ARL15: variants seen among roughly 807,000 people sequenced by gnomAD.
The protein encoded by ARL15 is ARF like GTPase 15, also known as ADP-ribosylation factor-like protein 15.
A neutral mutation model predicts 25.2 loss-of-function variants in ARL15; 19 were observed. The ratio of observed to expected loss-of-function variants is 0.75; its 90% CI spans 0.53 to 1.10. The LOEUF (loss-of-function observed/expected upper bound fraction) is 1.10. Among genes scored for constraint, ARL15 ranks in the 50% least tolerant of loss-of-function variants. The pLI is 0.00. For missense variants in ARL15, 220 were observed against 246.0 expected (o/e 0.89, Z 0.71); for synonymous variants, 94 against 86.8 (o/e 1.08, Z -0.46).
chr5:54,200,432 C>T (rs1755688813), intron 1 of ARL15, among the ~76,000 whole-genome samples: 2 of 151,962 alleles, frequency 1.3e-5, no homozygotes, highest in Admixed American at 6.6e-5. Flanking sequence ...TCCAAATTTG[C>T]TTACCTCAAA....
intron 4 of ARL15, among the ~76,000 whole-genome samples, chr5:53,962,443 T>C (rs1003901525): frequency 6.6e-6 from 1 of 152,108 alleles, no homozygotes; most frequent in Non-Finnish European, 1.5e-5. Flanking sequence ...TCCATAATAA[T>C]GATCCTGGGA....
intron 4 of ARL15, among the ~76,000 whole-genome samples, chr5:53,990,685 T>C (rs1748455570): frequency 6.6e-6 from 1 of 152,174 alleles, no homozygotes. Context: ...AAAACCAAAG[T>C]TGTGTTTCTG....
At chr5:54,157,130 A>AC (rs1223912831) in intron 2 of ARL15, among the ~76,000 whole-genome samples, 1 of 152,230 alleles carries the variant, frequency 6.6e-6, no homozygotes, top group African/African-American at 2.4e-5. Context: ...TAAGACAGGC[A>AC]CAGGCCTCAA....
intron 4 of ARL15, among the ~76,000 whole-genome samples, chr5:54,045,359 G>A (rs1197983862): frequency 1.3e-5 from 2 of 152,092 alleles, no homozygotes; most frequent in Non-Finnish European, 2.9e-5. Context: ...GCTAAGAACT[G>A]TATTTTCTTC....
chr5:54,022,534 C>A (rs1026318415), intron 4 of ARL15, among the ~76,000 whole-genome samples: 1 of 152,124 alleles, frequency 6.6e-6, no homozygotes, highest in Non-Finnish European at 1.5e-5. Context: ...TCAAAACCAC[C>A]TATTCTGAAG....
intron 4 of ARL15, among the ~76,000 whole-genome samples, chr5:54,111,671 C>T (rs576278388): frequency 2.0e-5 from 3 of 152,094 alleles, no homozygotes; most frequent in African/African-American, 7.2e-5. Context: ...TATGTTTTAT[C>T]AATGTGTATA....
intron 4 of ARL15, among the ~76,000 whole-genome samples, chr5:54,034,819 C>T (rs925867649): frequency 2.0e-5 from 3 of 150,304 alleles, no homozygotes; most frequent in Admixed American, 1.3e-4. Context: ...TGCCGCCACA[C>T]TCAGCTAAAT....
At chr5:54,237,156 C>T (rs1756831914) in intron 1 of ARL15, among the ~76,000 whole-genome samples, 1 of 152,142 alleles carries the variant, frequency 6.6e-6, no homozygotes, top group East Asian at 1.9e-4. Context: ...CAGCTGTTCT[C>T]GTGATAGTGA....
At chr5:54,301,407 CACTA>C (rs1348917894) in intron 1 of ARL15, among the ~76,000 whole-genome samples, 1 of 152,122 alleles carries the variant, frequency 6.6e-6, no homozygotes, top group Non-Finnish European at 1.5e-5. Context: ...GACTGTTACT[CACTA>C]ACCTCGGGAT....
At chr5:54,074,380 A>T (rs1751522434) in intron 4 of ARL15, among the ~76,000 whole-genome samples, 1 of 152,236 alleles carries the variant, frequency 6.6e-6, no homozygotes, top group Non-Finnish European at 1.5e-5. Flanking sequence ...TCTTAAAGTG[A>T]CAGACTGGGA....
At chr5:53,995,793 T>C (rs1034203782) in intron 4 of ARL15, among the ~76,000 whole-genome samples, 2 of 152,104 alleles carry the variant, frequency 1.3e-5, no homozygotes, top group African/African-American at 2.4e-5. Flanking sequence ...ACCCCAGTTA[T>C]AGTGATAATC....
At chr5:53,986,922 G>A (rs1282110568) in intron 4 of ARL15, among the ~76,000 whole-genome samples, 1 of 152,140 alleles carries the variant, frequency 6.6e-6, no homozygotes. Context: ...ACAATGTTGG[G>A]CAATGTGGAG....
intron 4 of ARL15, among the ~76,000 whole-genome samples, chr5:53,918,646 T>C (rs965644349): frequency 6.6e-6 from 1 of 152,116 alleles, no homozygotes; most frequent in Non-Finnish European, 1.5e-5. Flanking sequence ...TTATCCAAGG[T>C]TGACAGTCTT....
chr5:54,223,778 G>T (rs1756442446), intron 1 of ARL15, among the ~76,000 whole-genome samples: 1 of 152,070 alleles, frequency 6.6e-6, no homozygotes, highest in Non-Finnish European at 1.5e-5. Context: ...TACCTCCACG[G>T]TCTGTCTGAA....
intron 4 of ARL15, among the ~76,000 whole-genome samples, chr5:54,063,875 T>C (rs141764474): frequency 4.9e-4 from 75 of 152,334 alleles, no homozygotes; most frequent in African/African-American, 1.8e-3. Context: ...GCCTATGATG[T>C]TAGCAAGCTT....
rs1750733379 is a variant in ARL15, at chr5:54,052,575, C to T, written c.462+60627G>A. 2.0e-5 allele frequency among the ~76,000 whole-genome samples: 3 copies of T among 152,150 alleles called. No homozygotes were observed. The South Asian group carries it at 6.2e-4, about 32-fold the overall frequency. ...ATGGTGGATAGCGTGAGCCAGATTT[C>T]TCACTGTTTTACTGAGAGATTACAG... On this transcript the variant is annotated intron_variant, in intron 4 of 4. Coordinates refer to ENST00000504924, the MANE Select transcript of ARL15 (RefSeq NM_019087.3).
At chr5:54,233,448 C>G (rs1756723683) in intron 1 of ARL15, among the ~76,000 whole-genome samples, 2 of 152,162 alleles carry the variant, frequency 1.3e-5, no homozygotes, top group African/African-American at 4.8e-5. Context: ...AAATTAAATT[C>G]TTAGAAAACT....
chr5:53,903,755 T>C (rs1445677005), intron 4 of ARL15, among the ~76,000 whole-genome samples: 1 of 152,084 alleles, frequency 6.6e-6, no homozygotes, highest in African/African-American at 2.4e-5. Flanking sequence ...TGGCTCAAAA[T>C]GAATGATCAA....
intron 1 of ARL15, among the ~76,000 whole-genome samples, chr5:54,184,258 AATC>A (rs1342202465): frequency 0.34 from 18,265 of 53,514 alleles, 1,469 homozygotes; most frequent in Admixed American, 0.47. Flanking sequence ...ATAAAAAAAA[AATC>A]AAAAAAAAAA....
Sources: gnomAD v4.1 joint callset for allele counts (sites outside exome capture counted in the v4.1 genomes callset) on GRCh38, gnomAD v4.1.1 for gene constraint, MANE v1.5 for transcripts, NCBI Gene and HGNC (gene_info 2026-07-23, HGNC 2026-07-21) for gene names.